Variants in SVEP1 observed in about 807,000 individuals in gnomAD.
SVEP1 encodes the protein sushi, von Willebrand factor type A, EGF and pentraxin domain-containing protein 1.
Under a neutral mutation model 367.3 loss-of-function variants are expected in SVEP1, and 164 were observed. The ratio of observed to expected loss-of-function variants is 0.45; its 90% CI spans 0.39 to 0.51. The LOEUF (loss-of-function observed/expected upper bound fraction) is 0.51. SVEP1 is among the 20% of genes least tolerant of loss of function. The pLI is 0.00. For missense variants in SVEP1, 4,117 were observed against 4,425.3 expected, an observed-to-expected ratio of 0.93 and a Z score of 1.98; for synonymous variants, 1,666 against 1,611.6, an observed-to-expected ratio of 1.03 and a Z score of -0.81.
intron 1 of SVEP1, among the ~76,000 whole-genome samples, chr9:110,555,081 AG>A (rs1387552013): frequency 2.0e-5 from 3 of 152,132 alleles, no homozygotes; most frequent in Non-Finnish European, 4.4e-5. Flanking sequence ...TCCCCTCTGA[AG>A]TCACAGTCTC....
Position 110,457,356 on chromosome 9 carries a change from C to T in SVEP1, c.3577-4G>A. ...TAAAGAAGCATTCATGGAAAACCTA[C>T]CAGTAGCATAAAAAAATCAATCAGA... On this transcript the variant is annotated splice_region_variant and splice_polypyrimidine_tract_variant and intron_variant, in intron 20 of 47. Coordinates refer to ENST00000374469, the MANE Select transcript of SVEP1 (RefSeq NM_153366.4). The T allele has an allele frequency of 1.9e-6, 3 of 1,603,274 alleles. No individual in the cohort carries two copies. The highest frequency in any genetic ancestry group is 1.7e-4 in the Middle Eastern group (1 of 6,026).
Position 110,479,631 on chromosome 9 carries a change from G to A in SVEP1, c.2487+4C>T. The A allele has an allele frequency of 6.2e-7, 1 of 1,602,416 alleles. No individual in the cohort carries two copies. Among genetic ancestry groups the A allele is most frequent in the Non-Finnish European group, 8.5e-7 (1 of 1,176,332 alleles). ...CACACAATAAATGACCACTATTGAT[G>A]TACCATTTTTCCCAGGGTCGTCTCA... is the stretch of plus-strand genomic sequence containing the variant. On this transcript the variant is annotated splice_donor_region_variant and intron_variant, in intron 13 of 47. Transcript: ENST00000374469.
At chr9:110,475,039 T>C (rs899882978) in intron 14 of SVEP1, among the ~76,000 whole-genome samples, 1 of 151,216 alleles carries the variant, frequency 6.6e-6, no homozygotes, top group African/African-American at 2.4e-5. Context: ...TACATACATA[T>C]ATACTTATAA....
At chr9:110,380,563 G>A (rs1564123759) in intron 43 of SVEP1, among the ~76,000 whole-genome samples, 1 of 152,180 alleles carries the variant, frequency 6.6e-6, no homozygotes. Context: ...TGATGGATAA[G>A]CTTTTTGATG....
intron 11 of SVEP1, 82 bp downstream of exon 11, chr9:110,482,279 T>C (rs569121562): frequency 1.4e-6 from 2 of 1,409,542 alleles, no homozygotes; most frequent in Non-Finnish European, 9.3e-7. Flanking sequence ...TCATAGCCTA[T>C]TTTCTTTCAT....
At chr9:110,461,062 T>C (rs1404953502) in intron 18 of SVEP1, among the ~76,000 whole-genome samples, 1 of 152,260 alleles carries the variant, frequency 6.6e-6, no homozygotes, top group Non-Finnish European at 1.5e-5. Flanking sequence ...CACTGTCATT[T>C]GTGTTAGGCT....
chr9:110,526,493 C>A (rs1829941056), intron 3 of SVEP1, among the ~76,000 whole-genome samples: 1 of 152,050 alleles, frequency 6.6e-6, no homozygotes, highest in Non-Finnish European at 1.5e-5. Flanking sequence ...CACAACACAC[C>A]TATCAGAATA....
chr9:110,394,941 C>G (rs924956378), intron 40 of SVEP1, among the ~76,000 whole-genome samples: 2 of 152,146 alleles, frequency 1.3e-5, no homozygotes, highest in African/African-American at 4.8e-5. Flanking sequence ...GGATATTATC[C>G]CGGAGAACTT....
At chr9:110,411,837 A>T in intron 36 of SVEP1, 102 bp from the exon 37 acceptor site, 1 of 1,101,286 alleles carries the variant, frequency 9.1e-7, no homozygotes, top group Non-Finnish European at 1.2e-6. Flanking sequence ...ATGACTTTAA[A>T]TTTATCTTTA....
chr9:110,403,466 G>T (rs562266963), intron 39 of SVEP1, among the ~76,000 whole-genome samples: 2 of 151,442 alleles, frequency 1.3e-5, no homozygotes, highest in South Asian at 2.1e-4. Context: ...CACTATGCCC[G>T]GCTAATTTTT....
At chr9:110,444,790 C>T (rs1322478448) in intron 26 of SVEP1, among the ~76,000 whole-genome samples, 1 of 152,172 alleles carries the variant, frequency 6.6e-6, no homozygotes, top group Non-Finnish European at 1.5e-5. Context: ...GGTTTCCTTT[C>T]TGCATTTTTC....
In SVEP1 at chr9:110,385,942, C is replaced by G. The variant is rs1253386810; in HGVS notation, c.10193G>C (p.Cys3398Ser). 6.2e-7 allele frequency: 1 copy of G among 1,613,782 alleles called. No individual in the cohort carries two copies. Among genetic ancestry groups the G allele is most frequent in the African/African-American group, 1.3e-5 (1 of 74,924 alleles). The change falls in exon 43 of 48, where the codon TGC (cysteine) becomes TCC (serine). Residue 3398 changes from cysteine to serine, a missense_variant. By Grantham distance (112) the Cys-to-Ser change is moderately radical. Coordinates refer to ENST00000374469, the MANE Select transcript of SVEP1 (RefSeq NM_153366.4). ...FLLQGHGIIT[C>S]NPDETWTQTS... Reference sequence around the variant, plus strand: ...CTGTGTCCACGTCTCGTCGGGGTTGCAGGTAATGATGCCGTGGCCCTGCAG... The same window carrying G: ...CTGTGTCCACGTCTCGTCGGGGTTGGAGGTAATGATGCCGTGGCCCTGCAG...
At chr9:110,424,760 C>T (rs977960421) in intron 36 of SVEP1, among the ~76,000 whole-genome samples, 4 of 152,100 alleles carry the variant, frequency 2.6e-5, no homozygotes, top group African/African-American at 7.2e-5. Context: ...CTGCAACCTC[C>T]GCCTCTGAGG....
Position 110,579,202 on chromosome 9 carries a change from G to A in SVEP1, c.342C>T (p.Pro114=), listed in dbSNP as rs1368833591. 2 of 1,571,192 alleles carry A rather than the reference G, an allele frequency of 1.3e-6. No homozygotes were observed. The highest frequency in any genetic ancestry group is 1.7e-6 in the Non-Finnish European group (2 of 1,158,904). The change falls in exon 1 of 48, where the codon CCC becomes CCT. Residue 114 remains proline (P), a synonymous_variant. Coordinates refer to ENST00000374469, the MANE Select transcript of SVEP1 (RefSeq NM_153366.4). The surrounding 1 kb of genome is among the most constrained non-coding windows in gnomAD (Gnocchi z 5.3). ...MFVRKLLSDF[P]VVPTATRVAI... is the part of the protein sequence containing the mutation. ...CCACGCGCGTGGCCGTGGGCACCACGGGGAAGTCGGACAGCAGCTTGCGGA... is the reference window on the plus strand; with the variant it reads ...CCACGCGCGTGGCCGTGGGCACCACAGGGAAGTCGGACAGCAGCTTGCGGA...
intron 7 of SVEP1, among the ~76,000 whole-genome samples, chr9:110,497,392 C>T (rs1397720471): frequency 6.6e-6 from 1 of 152,164 alleles, no homozygotes; most frequent in Non-Finnish European, 1.5e-5. Context: ...TTCCCATAGC[C>T]CTCTGGATTT....
chr9:110,575,385 G>A (rs1830615176), intron 1 of SVEP1, among the ~76,000 whole-genome samples: 1 of 152,168 alleles, frequency 6.6e-6, no homozygotes, highest in Non-Finnish European at 1.5e-5. Flanking sequence ...GCTGGCACAT[G>A]GCAGGTTTTT....
rs58221774 is a variant in SVEP1 at position 110,502,578 on chromosome 9, A to T, written c.1483+460T>A. 5.0e-3 allele frequency among the ~76,000 whole-genome samples: 764 copies of T among 152,000 alleles called. 4 individuals are homozygous for T. Among genetic ancestry groups the T allele is most frequent in the African/African-American group, 0.018 (734 of 41,456 alleles). On this transcript the variant is annotated intron_variant, in intron 6 of 47. Coordinates refer to ENST00000374469, the MANE Select transcript of SVEP1 (RefSeq NM_153366.4). ...TTTCAATTTGCCTTGCAGTTGTTTT[A>T]TTTTCCTAACTTTTCAGTTGAATGT...
rs1827923568 is a variant in SVEP1, at chr9:110,404,453, T to C, written c.9540A>G (p.Lys3180=). 6 of 1,613,450 alleles carry C rather than the reference T, an allele frequency of 3.7e-6. No homozygotes were observed. The highest frequency in any genetic ancestry group is 2.2e-5 in the East Asian group (1 of 44,876). The change falls in exon 39 of 48, where the codon AAA becomes AAG. Residue 3180 remains lysine (K), a synonymous_variant. Coordinates refer to ENST00000374469, the MANE Select transcript of SVEP1 (RefSeq NM_153366.4). ...GTGTTATGTTTTCCGGGAGAGGACA[T>C]TTTTTAGGACTGCAGGAGATTCTCT... ...FPERISCSPK[K]CPLPENITHI...
intron 1 of SVEP1, among the ~76,000 whole-genome samples, chr9:110,557,055 G>T (rs1350526690): frequency 6.6e-6 from 1 of 152,110 alleles, no homozygotes; most frequent in Non-Finnish European, 1.5e-5. Flanking sequence ...ACCACGCCTT[G>T]TCTGTTAGTT....
Sources: allele counts gnomAD v4.1 joint callset (sites outside exome capture counted in the v4.1 genomes callset), GRCh38; gene constraint gnomAD v4.1.1; non-coding constraint Gnocchi (gnomAD v3.1); transcripts MANE v1.5; gene names NCBI Gene and HGNC (gene_info 2026-07-23, HGNC 2026-07-21).